The following CAMK1D variants were observed in gnomAD, a reference collection of about 807,000 sequenced individuals.
The protein encoded by CAMK1D is calcium/calmodulin-dependent protein kinase type 1D.
A neutral mutation model predicts 47.7 loss-of-function variants in CAMK1D; 9 were observed. That is an observed-to-expected ratio of 0.19 (90% CI 0.11 to 0.33). CAMK1D has a LOEUF of 0.33. Ranked by LOEUF, CAMK1D falls within the 10% of genes least tolerant of loss-of-function variation. The probability of loss-of-function intolerance (pLI) is 1.00; values close to 1 mark genes in which losing one functional copy is unlikely to be tolerated. For synonymous variants in CAMK1D, 184 were observed against 184.9 expected (o/e 0.99, Z 0.04); for missense variants, 291 against 488.7 (o/e 0.60, Z 3.81).
At chr10:12,477,752 G>A (rs537049173) in intron 1 of CAMK1D, among the ~76,000 whole-genome samples, 1 of 152,240 alleles carries the variant, frequency 6.6e-6, no homozygotes, top group African/African-American at 2.4e-5. Context: ...GAAGGCGGAG[G>A]GAGTGCTCAC....
intron 2 of CAMK1D, among the ~76,000 whole-genome samples, chr10:12,555,087 G>T (rs1398573584): frequency 6.6e-6 from 1 of 152,178 alleles, no homozygotes; most frequent in African/African-American, 2.4e-5. Context: ...GAAATTTTTG[G>T]GGTTTGGAAT....
chr10:12,503,022 A>G (rs921755233), intron 1 of CAMK1D, among the ~76,000 whole-genome samples: 9 of 150,950 alleles, frequency 6.0e-5, no homozygotes, highest in Non-Finnish European at 1.2e-4. Flanking sequence ...GCGTGTATAT[A>G]TGCATGTGTG....
intron 1 of CAMK1D, among the ~76,000 whole-genome samples, chr10:12,528,164 G>T (rs2768460): frequency 0.54 from 81,508 of 152,058 alleles, 21,957 homozygotes; most frequent in South Asian, 0.69. Flanking sequence ...AATTTGCCAA[G>T]GTCACATAGC....
At chr10:12,768,058 A>G (rs1300223423) in intron 4 of CAMK1D, among the ~76,000 whole-genome samples, 1 of 152,094 alleles carries the variant, frequency 6.6e-6, no homozygotes, top group African/African-American at 2.4e-5. Flanking sequence ...TTTTTAGTAG[A>G]GACGGGGTTT....
intron 3 of CAMK1D, among the ~76,000 whole-genome samples, chr10:12,670,994 T>C (rs943059627): frequency 2.0e-5 from 3 of 152,228 alleles, no homozygotes; most frequent in Admixed American, 2.0e-4. Context: ...CAACTACTTA[T>C]CTTTGGTCCC....
rs551709102 is a variant in CAMK1D at position 12,448,211 on chromosome 10, T to C, written c.92+98301T>C. On this transcript the variant is annotated intron_variant, in intron 1 of 10. Coordinates refer to ENST00000619168, the MANE Select transcript of CAMK1D (RefSeq NM_153498.4). Reference sequence around the variant, plus strand: ...TTTTTACTTATTTTTATTTATTTATTTTTTTGTTTCTCTATATTGCCCAGG... The same window carrying C: ...TTTTTACTTATTTTTATTTATTTATCTTTTTGTTTCTCTATATTGCCCAGG... Among the ~76,000 whole-genome samples the C allele has an allele frequency of 1.5e-4, 22 of 151,598 alleles. No individual in the cohort carries two copies. The East Asian group carries it at 3.9e-3, about 27-fold the overall frequency.
Position 12,750,727 on chromosome 10 carries a change from G to A in CAMK1D, c.300-10221G>A, listed in dbSNP as rs112770072. 2.8e-3 allele frequency among the ~76,000 whole-genome samples: 427 copies of A among 152,268 alleles called. 6 individuals carry two copies. Among genetic ancestry groups the A allele is most frequent in the African/African-American group, 9.4e-3 (389 of 41,558 alleles). On this transcript the variant is annotated intron_variant, in intron 3 of 10. Coordinates refer to ENST00000619168, the MANE Select transcript of CAMK1D (RefSeq NM_153498.4). ...ATGAATGAATGAAGTAGAAGTTGAG[G>A]GAGGATTGTCTCAGCGGCCAGTCAG...
At chr10:12,489,196 C>G (rs1834305418) in intron 1 of CAMK1D, among the ~76,000 whole-genome samples, 1 of 152,158 alleles carries the variant, frequency 6.6e-6, no homozygotes, top group South Asian at 2.1e-4. Flanking sequence ...CCTCGGCCTC[C>G]CAAAGTGCTG....
chr10:12,717,920 A>G (rs551811100), intron 3 of CAMK1D, among the ~76,000 whole-genome samples: 1 of 151,472 alleles, frequency 6.6e-6, no homozygotes, highest in East Asian at 1.9e-4. Flanking sequence ...AAAAAAAAAG[A>G]TGCAAAGAAA....
At chr10:12,774,788 C>T (rs968149530) in intron 5 of CAMK1D, among the ~76,000 whole-genome samples, 2 of 152,216 alleles carry the variant, frequency 1.3e-5, no homozygotes, top group Non-Finnish European at 2.9e-5. Flanking sequence ...GTGATCTGTG[C>T]CCGCAAGAGA....
At chr10:12,773,615 G>T (rs899326242) in intron 5 of CAMK1D, among the ~76,000 whole-genome samples, 1 of 152,188 alleles carries the variant, frequency 6.6e-6, no homozygotes, top group Non-Finnish European at 1.5e-5. Flanking sequence ...AATATGGGCC[G>T]GGGGCGGTGG....
chr10:12,556,973 C>T (rs1228087991), intron 2 of CAMK1D, among the ~76,000 whole-genome samples: 4 of 152,152 alleles, frequency 2.6e-5, no homozygotes, highest in Non-Finnish European at 5.9e-5. Flanking sequence ...ACAGTGGAAT[C>T]TGTAGGACTT....
chr10:12,740,611 A>G (rs546064691), intron 3 of CAMK1D, among the ~76,000 whole-genome samples: 1 of 152,262 alleles, frequency 6.6e-6, no homozygotes, highest in South Asian at 2.1e-4. Flanking sequence ...AGAAAAAAAA[A>G]GAAAAGAAAC....
At position 12,553,361 on chromosome 10, in the gene CAMK1D, G is replaced by A; in HGVS notation, c.224+5G>A. 1 of 1,601,704 alleles carries A rather than the reference G, an allele frequency of 6.2e-7. No homozygotes were observed. The highest frequency in any genetic ancestry group is 8.6e-7 in the Non-Finnish European group (1 of 1,168,778). Reference sequence around the variant, plus strand: ...TGAGATAGCCGTCCTGAGAAAGTAAGTGCTGGAGGGCAACCCTCCTCCCTT... The same window carrying A: ...TGAGATAGCCGTCCTGAGAAAGTAAATGCTGGAGGGCAACCCTCCTCCCTT... On this transcript the variant is annotated splice_donor_5th_base_variant and intron_variant, in intron 2 of 10. Transcript: ENST00000619168.
At position 12,395,603 on chromosome 10, in the gene CAMK1D, G is replaced by T. The variant is rs142579410; in HGVS notation, c.92+45693G>T. On this transcript the variant is annotated intron_variant, in intron 1 of 10. Coordinates refer to ENST00000619168, the MANE Select transcript of CAMK1D (RefSeq NM_153498.4). ...GAGGAATGTTCTGTTAGCTTCTGGGGAAAACTTACTGTAGAAGGGTTGGTT... is the reference window on the plus strand; with the variant it reads ...GAGGAATGTTCTGTTAGCTTCTGGGTAAAACTTACTGTAGAAGGGTTGGTT... Among the ~76,000 whole-genome samples the T allele has an allele frequency of 1.5e-3, 224 of 152,178 alleles. 2 individuals carry two copies. Among genetic ancestry groups the T allele is most frequent in the African/African-American group, 5.2e-3 (218 of 41,546 alleles).
At chr10:12,470,941 C>T (rs1215982577) in intron 1 of CAMK1D, among the ~76,000 whole-genome samples, 1 of 152,144 alleles carries the variant, frequency 6.6e-6, no homozygotes, top group Non-Finnish European at 1.5e-5. Flanking sequence ...TGCGTGTGTG[C>T]GTGGTGGGGC....
chr10:12,589,577 C>T (rs994471679), intron 2 of CAMK1D, among the ~76,000 whole-genome samples: 21 of 152,284 alleles, frequency 1.4e-4, no homozygotes, highest in East Asian at 5.8e-4. Flanking sequence ...CTCCCCAGCC[C>T]GGAATGAGCA....
chr10:12,734,404 ATACACACACACACACAT>A (rs1835062315), intron 3 of CAMK1D, among the ~76,000 whole-genome samples: 1 of 50,106 alleles, frequency 2.0e-5, no homozygotes, highest in African/African-American at 6.4e-5. Context: ...ATATATATAT[ATACACACACACACACAT>A]GTATATATAT....
chr10:12,379,223 A>G (rs560353534), intron 1 of CAMK1D, among the ~76,000 whole-genome samples: 1 of 152,352 alleles, frequency 6.6e-6, no homozygotes, highest in Non-Finnish European at 1.5e-5. Flanking sequence ...AATGGATCTT[A>G]TAAGTAGACA....
Sources: gnomAD v4.1 joint callset for allele counts (sites outside exome capture counted in the v4.1 genomes callset) on GRCh38, gnomAD v4.1.1 for gene constraint, MANE v1.5 for transcripts, NCBI Gene and HGNC (gene_info 2026-07-23, HGNC 2026-07-21) for gene names.